Variants in PRPSAP2 observed in about 807,000 individuals in gnomAD.
PRPSAP2 encodes the protein phosphoribosyl pyrophosphate synthetase associated protein 2.
In PRPSAP2, 24 loss-of-function variants were observed where a neutral mutation model predicts 40.6. The ratio of observed to expected loss-of-function variants is 0.59; its 90% CI spans 0.43 to 0.83. The LOEUF (loss-of-function observed/expected upper bound fraction) is 0.83, where lower values mean the gene tolerates loss of function less well. PRPSAP2 is among the 40% of genes least tolerant of loss of function. The probability of loss-of-function intolerance (pLI) is 0.00; values close to 1 mark genes in which losing one functional copy is unlikely to be tolerated. For missense variants in PRPSAP2, 292 were observed against 465.6 expected (o/e 0.63, Z 3.43); for synonymous variants, 149 against 164.7 (o/e 0.90, Z 0.73).
chr17:18,863,321 G>A (rs2151877249), intron 1 of PRPSAP2, among the ~76,000 whole-genome samples: 1 of 151,886 alleles, frequency 6.6e-6, no homozygotes, highest in South Asian at 2.1e-4. Flanking sequence ...AAACTCTTGG[G>A]CTCAAGCAGT....
chr17:18,919,748 C>T (rs934212401), intron 9 of PRPSAP2, among the ~76,000 whole-genome samples: 1 of 152,148 alleles, frequency 6.6e-6, no homozygotes, highest in Non-Finnish European at 1.5e-5. Flanking sequence ...TGATTTTCCA[C>T]TTTATAGATA....
At chr17:18,919,453 AGC>A (rs2041563975) in intron 9 of PRPSAP2, among the ~76,000 whole-genome samples, 1 of 151,574 alleles carries the variant, frequency 6.6e-6, no homozygotes, top group Non-Finnish European at 1.5e-5. Flanking sequence ...GGTTGCAGTG[AGC>A]TGAGATTGTG....
At chr17:18,899,544 T>TG (rs1597662984) in intron 8 of PRPSAP2, among the ~76,000 whole-genome samples, 1 of 130,900 alleles carries the variant, frequency 7.6e-6, no homozygotes, top group South Asian at 2.4e-4. Flanking sequence ...TTTTTTTTTT[T>TG]TGAGACAGGG....
chr17:18,886,629 A>G (rs973102356), intron 7 of PRPSAP2, among the ~76,000 whole-genome samples: 2 of 152,042 alleles, frequency 1.3e-5, no homozygotes, highest in African/African-American at 4.8e-5. Flanking sequence ...AAGTGCTGGG[A>G]TTACAGGTGT....
chr17:18,921,320 A>G (rs768925208), intron 9 of PRPSAP2, among the ~76,000 whole-genome samples: 9 of 152,320 alleles, frequency 5.9e-5, no homozygotes, highest in South Asian at 2.1e-4. Flanking sequence ...GTCAGAAGGT[A>G]TGAATATAAG....
chr17:18,911,512 A>G lies in PRPSAP2; in HGVS notation c.733+261A>G, dbSNP rs1250137425. Among the ~76,000 whole-genome samples the G allele has an allele frequency of 6.6e-6, 1 of 152,210 alleles. No individual in the cohort carries two copies. On this transcript the variant is annotated intron_variant, in intron 9 of 11. Transcript: ENST00000268835. This position sits in a 1 kb window ranked among gnomAD's most constrained non-coding sequence, Gnocchi z 4.5. ...CAGTTGCAATGCTTCAGGGAAGTCC[A>G]TTCATTCATTCAGCAGTATATACTA... is the stretch of plus-strand genomic sequence containing the variant.
chr17:18,888,764 A>G, intron 7 of PRPSAP2, among the ~76,000 whole-genome samples: 1 of 20,844 alleles, frequency 4.8e-5, no homozygotes, highest in South Asian at 9.7e-4. Context: ...TGACCCCCCC[A>G]CCTCCCTCGC....
chr17:18,858,408 G>A (rs2036753161), intron 1 of PRPSAP2, 147 bp downstream of exon 1: 1 of 152,440 alleles, frequency 6.6e-6, no homozygotes, highest in Admixed American at 6.5e-5. Context: ...GGGGCTCACT[G>A]GGGCGATCTC....
At chr17:18,899,216 CAG>C (rs2040110530) in intron 8 of PRPSAP2, among the ~76,000 whole-genome samples, 1 of 152,126 alleles carries the variant, frequency 6.6e-6, no homozygotes, top group East Asian at 1.9e-4. Flanking sequence ...TCTTTTGTTA[CAG>C]GTCCATGGGA....
At chr17:18,899,328 C>G (rs182817741) in intron 8 of PRPSAP2, among the ~76,000 whole-genome samples, 1 of 151,216 alleles carries the variant, frequency 6.6e-6, no homozygotes, top group Non-Finnish European at 1.5e-5. Context: ...TCAAGTGATT[C>G]TCCCATCTTA....
At chr17:18,883,839 G>A (rs2038940740) in intron 7 of PRPSAP2, among the ~76,000 whole-genome samples, 1 of 152,004 alleles carries the variant, frequency 6.6e-6, no homozygotes, top group Non-Finnish European at 1.5e-5. Context: ...CTTCTTTCTG[G>A]TAAGAATACA....
At chr17:18,861,379 G>T (rs1016893203) in intron 1 of PRPSAP2, 3 of 151,786 alleles carry the variant, frequency 2.0e-5, no homozygotes, top group African/African-American at 7.3e-5. Flanking sequence ...CAGGAGAATC[G>T]CTTGAACCGG....
chr17:18,858,667 CT>C (rs1465005197), intron 1 of PRPSAP2: 2 of 152,200 alleles, frequency 1.3e-5, no homozygotes, highest in African/African-American at 2.4e-5. Context: ...ACGAATATAT[CT>C]CTCACCTCCT....
intron 8 of PRPSAP2, 119 bp from the exon 9 acceptor site, chr17:18,910,979 CTCTTT>C (rs1374504511): frequency 2.3e-5 from 28 of 1,195,986 alleles, no homozygotes; most frequent in East Asian, 1.9e-4. Context: ...GTTTTATTCT[CTCTTT>C]TCTTTAGTCC....
intron 6 of PRPSAP2, among the ~76,000 whole-genome samples, chr17:18,878,121 G>C (rs901700686): frequency 1.3e-5 from 2 of 152,130 alleles, no homozygotes; most frequent in African/African-American, 4.8e-5. Context: ...TTACTATGTT[G>C]TTCAGGCTGG....
At chr17:18,901,888 C>A (rs1303153351) in intron 8 of PRPSAP2, among the ~76,000 whole-genome samples, 2 of 152,056 alleles carry the variant, frequency 1.3e-5, no homozygotes, top group African/African-American at 4.8e-5. Context: ...CTCAAGAGAT[C>A]CTCCTGCCTT....
upstream of PRPSAP2, among the ~76,000 whole-genome samples, chr17:18,857,260 G>A (rs574377592): frequency 1.1e-4 from 17 of 151,456 alleles, no homozygotes; most frequent in South Asian, 3.6e-3. Context: ...GCTTGAACCC[G>A]GGAGACGAAG....
chr17:18,919,391 G>GC (rs1330898933), intron 9 of PRPSAP2, among the ~76,000 whole-genome samples: 5 of 151,752 alleles, frequency 3.3e-5, no homozygotes, highest in African/African-American at 1.2e-4. Flanking sequence ...GCCTGTAATC[G>GC]CAGCTACTCA....
intron 8 of PRPSAP2, among the ~76,000 whole-genome samples, chr17:18,909,847 AC>A (rs1567731914): frequency 1.3e-5 from 2 of 151,550 alleles, no homozygotes; most frequent in African/African-American, 4.8e-5. Flanking sequence ...GGAGGTTCAC[AC>A]CACTGCACTC....
Sources: allele counts gnomAD v4.1 joint callset (sites outside exome capture counted in the v4.1 genomes callset), GRCh38; gene constraint gnomAD v4.1.1; non-coding constraint Gnocchi (gnomAD v3.1); transcripts MANE v1.5; gene names NCBI Gene and HGNC (gene_info 2026-07-23, HGNC 2026-07-21).